STXBP5L: variants seen among roughly 807,000 people sequenced by gnomAD.
The protein encoded by STXBP5L is syntaxin-binding protein 5-like.
Under a neutral mutation model 144.5 loss-of-function variants are expected in STXBP5L, and 65 were observed. The ratio of observed to expected loss-of-function variants is 0.45; its 90% CI spans 0.37 to 0.55. The LOEUF is 0.55. Among genes scored for constraint, STXBP5L ranks in the 20% least tolerant of loss-of-function variants. The pLI is 0.00. For synonymous variants in STXBP5L, 505 were observed against 469.6 expected (o/e 1.08, Z -0.97); for missense variants, 1,298 against 1,405.5 (o/e 0.92, Z 1.22).
At chr3:121,335,405 T>A (rs751542637) in intron 20 of STXBP5L, among the ~76,000 whole-genome samples, 7 of 151,478 alleles carry the variant, frequency 4.6e-5, no homozygotes, top group Non-Finnish European at 8.9e-5. Flanking sequence ...GATTCATTAC[T>A]GTCAAACTAC....
rs745826307 is a variant in STXBP5L at position 121,381,401 on chromosome 3, G to T, written c.2456G>T (p.Arg819Leu). Residue 819 changes from arginine to leucine, a missense_variant, in exon 22 of 27, where the codon CGG becomes CTG. Physicochemically the swap from Arg to Leu is moderately radical, Grantham distance 102. Coordinates refer to ENST00000471454, the MANE Select transcript of STXBP5L (RefSeq NM_001308330.2). ...CTATACTTCATGGACTCCTTTGCAC[G>T]GAAAAATGACTCTACCATCTCTCCT... ...TALYFMDSFARKNDSTISPCL... is the reference protein window; with the variant it reads ...TALYFMDSFALKNDSTISPCL... 2 of 1,610,068 alleles carry T rather than the reference G, an allele frequency of 1.2e-6. No homozygotes were observed. The highest frequency in any genetic ancestry group is 4.5e-5 in the East Asian group (2 of 44,772).
At chr3:121,156,987 T>G (rs1452135430) in intron 8 of STXBP5L, among the ~76,000 whole-genome samples, 2 of 152,074 alleles carry the variant, frequency 1.3e-5, no homozygotes, top group African/African-American at 4.8e-5. Context: ...CTTTTGAATC[T>G]TATCTGACTC....
At chr3:121,004,380 T>C (rs1237904471) in intron 3 of STXBP5L, among the ~76,000 whole-genome samples, 6 of 152,220 alleles carry the variant, frequency 3.9e-5, no homozygotes, top group Non-Finnish European at 8.8e-5. Context: ...AGAATGCCTG[T>C]GATTTTTGCC....
chr3:120,981,296 T>A (rs1941746277), intron 3 of STXBP5L, among the ~76,000 whole-genome samples: 3 of 152,164 alleles, frequency 2.0e-5, no homozygotes, highest in Admixed American at 6.5e-5. Context: ...CTCAATTTTT[T>A]TAATACTTTT....
intron 3 of STXBP5L, among the ~76,000 whole-genome samples, chr3:121,006,305 A>G (rs1944297030): frequency 6.6e-6 from 1 of 152,112 alleles, no homozygotes; most frequent in Admixed American, 6.5e-5. Flanking sequence ...ACCATTATGT[A>G]ATGGCCTTCT....
intron 5 of STXBP5L, among the ~76,000 whole-genome samples, chr3:121,045,909 G>T (rs78919718): frequency 1.3e-5 from 2 of 152,200 alleles, no homozygotes; most frequent in East Asian, 3.9e-4. Context: ...ATGTTGACTA[G>T]GAATGGTGAG....
Position 120,909,559 on chromosome 3 carries a change from A to G in STXBP5L, c.-8-12A>G. On this transcript the variant is annotated splice_polypyrimidine_tract_variant and intron_variant, in intron 1 of 26. Coordinates refer to ENST00000471454, the MANE Select transcript of STXBP5L (RefSeq NM_001308330.2). ...ACCTCTTTCCCTTTTTTTCCTTTGT[A>G]TTTCTCAACAGTGTTTAAAATGAAG... 6.2e-7 allele frequency: 1 copy of G among 1,600,378 alleles called. No individual in the cohort carries two copies.
chr3:121,381,388 G>A lies in STXBP5L; in HGVS notation c.2443G>A (p.Asp815Asn). Residue 815 changes from aspartate (D) to asparagine (N), a missense_variant, in exon 22 of 27, where the codon GAC (aspartate) becomes AAC (asparagine). Physicochemically the swap from Asp to Asn is conservative, Grantham distance 23. Transcript: ENST00000471454. ...KEAITALYFM[D>N]SFARKNDSTI... ...AGCAATTACAGCACTATACTTCATG[G>A]ACTCCTTTGCACGGAAAAATGACTC... 6.2e-7 allele frequency: 1 copy of A among 1,611,174 alleles called. No homozygotes were observed. The highest frequency in any genetic ancestry group is 8.5e-7 in the Non-Finnish European group (1 of 1,178,900).
Position 121,359,901 on chromosome 3 carries a change from G to A in STXBP5L, c.2177-18815G>A, listed in dbSNP as rs532672488. 4.9e-5 allele frequency among the ~76,000 whole-genome samples: 7 copies of A among 142,462 alleles called. No individual in the cohort carries two copies. In the South Asian group the frequency reaches 1.1e-3, roughly 23 times the overall value. The allele number at this position is 142,462 out of a possible 152,430, so 93.5% of individuals were successfully genotyped here. On this transcript the variant is annotated intron_variant, in intron 20 of 26. Coordinates refer to ENST00000471454, the MANE Select transcript of STXBP5L (RefSeq NM_001308330.2). The stretch of plus-strand genomic sequence containing the variant: ...AGTATAATTTGAAGTCTGGTAATGT[G>A]ATTCCTCCAGTTTGGTTCTTTTTGC...
intron 11 of STXBP5L, 45 bp from the exon 12 acceptor site, chr3:121,233,571 G>T (rs749276925): frequency 1.3e-5 from 19 of 1,462,936 alleles, no homozygotes; most frequent in Non-Finnish European, 1.7e-5. Context: ...TGATTTTATA[G>T]TATATACAAT....
intron 3 of STXBP5L, among the ~76,000 whole-genome samples, chr3:121,027,019 G>A (rs1183376785): frequency 6.6e-6 from 1 of 151,698 alleles, no homozygotes; most frequent in African/African-American, 2.4e-5. Flanking sequence ...TAATCCATAT[G>A]CCAAAGTGGC....
At chr3:121,271,763 A>T (rs2050740533) in intron 18 of STXBP5L, among the ~76,000 whole-genome samples, 1 of 152,142 alleles carries the variant, frequency 6.6e-6, no homozygotes. Flanking sequence ...TCCATTCTCA[A>T]ACTACTCTAA....
At chr3:121,109,187 C>T (rs1015264898) in intron 5 of STXBP5L, among the ~76,000 whole-genome samples, 1 of 152,014 alleles carries the variant, frequency 6.6e-6, no homozygotes, top group East Asian at 1.9e-4. Flanking sequence ...AAAACCAGCT[C>T]CTGGATTTGT....
intron 3 of STXBP5L, among the ~76,000 whole-genome samples, chr3:121,036,833 G>C (rs1187117986): frequency 2.5e-5 from 3 of 122,294 alleles, no homozygotes; most frequent in Admixed American, 1.0e-4. Context: ...ACATTGTGCA[G>C]GTTAGTTACA....
At chr3:120,997,909 A>G (rs911551286) in intron 3 of STXBP5L, among the ~76,000 whole-genome samples, 5 of 152,166 alleles carry the variant, frequency 3.3e-5, no homozygotes, top group African/African-American at 1.2e-4. Flanking sequence ...TTATACCTAG[A>G]ATGCAAGGTT....
intron 17 of STXBP5L, among the ~76,000 whole-genome samples, chr3:121,258,221 C>A (rs940541870): frequency 1.5e-4 from 23 of 152,150 alleles, no homozygotes; most frequent in Non-Finnish European, 3.2e-4. Context: ...TCTATACCAT[C>A]AAATCAAATA....
intron 3 of STXBP5L, among the ~76,000 whole-genome samples, chr3:120,993,392 T>A (rs1943081110): frequency 6.6e-6 from 1 of 152,088 alleles, no homozygotes; most frequent in Admixed American, 6.6e-5. Context: ...TCTTATACCA[T>A]GTACTGCAGT....
chr3:121,372,751 G>A (rs1288937002), intron 20 of STXBP5L, among the ~76,000 whole-genome samples: 1 of 151,932 alleles, frequency 6.6e-6, no homozygotes, highest in Non-Finnish European at 1.5e-5. Flanking sequence ...TCTCTTGGTG[G>A]GAGATGTTCC....
At chr3:121,348,288 T>TG (rs1311989568) in intron 20 of STXBP5L, among the ~76,000 whole-genome samples, 1 of 152,174 alleles carries the variant, frequency 6.6e-6, no homozygotes, top group Non-Finnish European at 1.5e-5. Flanking sequence ...GAACCAGCCT[T>TG]GCGTCCCAGG....
Sources: gnomAD v4.1 joint callset for allele counts (sites outside exome capture counted in the v4.1 genomes callset) on GRCh38, gnomAD v4.1.1 for gene constraint, MANE v1.5 for transcripts, NCBI Gene and HGNC (gene_info 2026-07-23, HGNC 2026-07-21) for gene names.